The following COL26A1 variants were observed in gnomAD, a reference collection of about 807,000 sequenced individuals.
COL26A1 encodes the protein collagen type XXVI alpha 1 chain.
In COL26A1, 41 loss-of-function variants were observed where a neutral mutation model predicts 59.3. The ratio of observed to expected loss-of-function variants is 0.69; its 90% confidence interval spans 0.54 to 0.90. COL26A1 has a LOEUF of 0.90. Ranked by LOEUF, COL26A1 falls within the 40% of genes least tolerant of loss-of-function variation. COL26A1 has a pLI of 0.00. For missense variants in COL26A1, 612 were observed against 602.3 expected (o/e 1.02, Z -0.17); for synonymous variants, 266 against 256.0 (o/e 1.04, Z -0.37).
At chr7:101,485,295 G>A (rs1794244214) in intron 3 of COL26A1, among the ~76,000 whole-genome samples, 1 of 152,212 alleles carries the variant, frequency 6.6e-6, no homozygotes, top group Non-Finnish European at 1.5e-5. Context: ...TGAGCCCTGG[G>A]AGCAGTCAGG....
At chr7:101,553,159 C>G (rs1795895381) in intron 10 of COL26A1, 167 bp from the exon 11 acceptor site, 1 of 595,274 alleles carries the variant, frequency 1.7e-6, no homozygotes, top group African/African-American at 1.9e-5. Context: ...GTGGCCTCCC[C>G]TGCTGTGCTC....
chr7:101,486,980 G>C lies in COL26A1; in HGVS notation c.385+39193G>C, dbSNP rs562528781. 1.2e-4 allele frequency among the ~76,000 whole-genome samples: 19 copies of C among 152,366 alleles called. No homozygotes were observed. The East Asian group carries it at 3.5e-3, about 28-fold the overall frequency. ...CCCGGGCACAGTCCCAGGGCTGGAGGGGGAGGAAGGGAGCCTGGGCCGACA... is the reference window on the plus strand; with the variant it reads ...CCCGGGCACAGTCCCAGGGCTGGAGCGGGAGGAAGGGAGCCTGGGCCGACA... On this transcript the variant is annotated intron_variant, in intron 3 of 12. Coordinates refer to ENST00000313669, the MANE Select transcript of COL26A1 (RefSeq NM_001278563.3).
At chr7:101,383,641 C>A (rs1475012275) in intron 1 of COL26A1, among the ~76,000 whole-genome samples, 1 of 152,034 alleles carries the variant, frequency 6.6e-6, no homozygotes, top group African/African-American at 2.4e-5. Flanking sequence ...TTCAAGCGAT[C>A]CTCCTGCCTC....
chr7:101,441,614 G>A (rs558627412), intron 2 of COL26A1, among the ~76,000 whole-genome samples: 3 of 152,244 alleles, frequency 2.0e-5, no homozygotes, highest in South Asian at 2.1e-4. Flanking sequence ...CACCGTGCCC[G>A]GCCTATCATA....
At chr7:101,377,567 T>C (rs975165415) in intron 1 of COL26A1, among the ~76,000 whole-genome samples, 1 of 152,112 alleles carries the variant, frequency 6.6e-6, no homozygotes, top group South Asian at 2.1e-4. Flanking sequence ...GGTGGAACTA[T>C]AGGCATGCAC....
At chr7:101,521,800 T>TAACC (rs1286699953) in intron 3 of COL26A1, among the ~76,000 whole-genome samples, 1 of 152,080 alleles carries the variant, frequency 6.6e-6, no homozygotes, top group East Asian at 1.9e-4. Flanking sequence ...TCCCCACGGG[T>TAACC]AACCACTCAC....
intron 5 of COL26A1, 65 bp from the exon 6 acceptor site, chr7:101,543,933 G>A: frequency 8.0e-7 from 1 of 1,244,556 alleles, no homozygotes; most frequent in South Asian, 1.3e-5. Flanking sequence ...CAGGGGGCCA[G>A]GCCTGGAGCC....
At chr7:101,409,778 T>A (rs1792201707) in intron 1 of COL26A1, among the ~76,000 whole-genome samples, 1 of 152,218 alleles carries the variant, frequency 6.6e-6, no homozygotes, top group South Asian at 2.1e-4. Context: ...TCTTTTTTTT[T>A]GAGACGGAGT....
intron 3 of COL26A1, among the ~76,000 whole-genome samples, chr7:101,530,566 T>TAAAA (rs558473831): frequency 0.086 from 7,780 of 89,976 alleles, 450 homozygotes; most frequent in Non-Finnish European, 0.1. Flanking sequence ...ACTCTGTCTT[T>TAAAA]AAAAAAAAAA....
chr7:101,365,909 AT>A (rs1414587787), intron 1 of COL26A1, among the ~76,000 whole-genome samples: 1 of 152,190 alleles, frequency 6.6e-6, no homozygotes, highest in East Asian at 1.9e-4. Context: ...TGGGGACCTC[AT>A]TCTGGCATTT....
intron 3 of COL26A1, among the ~76,000 whole-genome samples, chr7:101,523,177 C>T (rs1442959774): frequency 6.6e-6 from 1 of 151,730 alleles, no homozygotes; most frequent in Non-Finnish European, 1.5e-5. Flanking sequence ...TCAAGCCATT[C>T]TCCTGCCTCA....
chr7:101,496,746 C>T (rs917744503), intron 3 of COL26A1, among the ~76,000 whole-genome samples: 1 of 151,798 alleles, frequency 6.6e-6, no homozygotes, highest in African/African-American at 2.4e-5. Flanking sequence ...AATTCCCAGG[C>T]GTGATGGCGC....
intron 1 of COL26A1, among the ~76,000 whole-genome samples, chr7:101,379,979 T>G (rs1378068580): frequency 6.6e-6 from 1 of 152,192 alleles, no homozygotes; most frequent in Non-Finnish European, 1.5e-5. Context: ...TCTCTATTCC[T>G]TTACTTACTT....
chr7:101,436,217 G>A (rs1039431438), intron 2 of COL26A1, among the ~76,000 whole-genome samples: 5 of 152,152 alleles, frequency 3.3e-5, no homozygotes, highest in African/African-American at 9.7e-5. Context: ...TCTGGCTCTC[G>A]GGAACGTCTA....
chr7:101,387,894 C>G (rs9641273), intron 1 of COL26A1, among the ~76,000 whole-genome samples: 80,960 of 149,440 alleles, frequency 0.54, 24,590 homozygotes, highest in Middle Eastern at 0.7. Flanking sequence ...CTCAGCCTCT[C>G]GAGTAGCTGG....
At chr7:101,552,368 G>A (rs1795878881) in intron 10 of COL26A1, among the ~76,000 whole-genome samples, 2 of 152,180 alleles carry the variant, frequency 1.3e-5, no homozygotes, top group Non-Finnish European at 2.9e-5. Context: ...CAGTGCTTTG[G>A]GAGGCCAAGG....
At position 101,447,980 on chromosome 7, in the gene COL26A1, C is replaced by T. The variant is rs564467845; in HGVS notation, c.385+193C>T. Among the ~76,000 whole-genome samples the T allele has an allele frequency of 1.4e-4, 21 of 152,302 alleles. No individual in the cohort carries two copies. In the East Asian group the frequency reaches 2.9e-3, roughly 21 times the overall value. ...CCAGGATGAAGCTGCCCGCCCTGCCCGTGGGCACCGAGGCAGGTCCTAGTT... is the reference window on the plus strand; with the variant it reads ...CCAGGATGAAGCTGCCCGCCCTGCCTGTGGGCACCGAGGCAGGTCCTAGTT... On this transcript the variant is annotated intron_variant, in intron 3 of 12. Coordinates refer to ENST00000313669, the MANE Select transcript of COL26A1 (RefSeq NM_001278563.3).
At chr7:101,484,914 G>A (rs1242591416) in intron 3 of COL26A1, among the ~76,000 whole-genome samples, 1 of 151,966 alleles carries the variant, frequency 6.6e-6, no homozygotes, top group African/African-American at 2.4e-5. Context: ...GAGTGCAGTG[G>A]CACAATCTCG....
At chr7:101,373,438 A>C (rs1183328485) in intron 1 of COL26A1, among the ~76,000 whole-genome samples, 1 of 152,232 alleles carries the variant, frequency 6.6e-6, no homozygotes, top group African/African-American at 2.4e-5. Context: ...TTTTTCCTGC[A>C]TGGAGTTTTC....
Sources: allele counts gnomAD v4.1 joint callset (sites outside exome capture counted in the v4.1 genomes callset), GRCh38; gene constraint gnomAD v4.1.1; transcripts MANE v1.5; gene names NCBI Gene and HGNC (gene_info 2026-07-23, HGNC 2026-07-21).